SDK1: variants seen among roughly 807,000 people sequenced by gnomAD.
The protein encoded by SDK1 is protein sidekick-1.
In SDK1, 157 loss-of-function variants were observed where a neutral mutation model predicts 245.5. The ratio of observed to expected loss-of-function variants is 0.64; its 90% CI spans 0.56 to 0.73. The LOEUF is 0.73. SDK1 is among the 30% of genes least tolerant of loss of function. The pLI, the probability that SDK1 is intolerant of heterozygous loss-of-function variation, is 0.00. For synonymous variants in SDK1, 1,647 were observed against 1,278.5 expected (o/e 1.29, Z -6.15); for missense variants, 3,583 against 3,002.3 (o/e 1.19, Z -4.52).
chr7:4,240,515 G>A lies in SDK1; in HGVS notation c.6131-1278G>A, dbSNP rs190645497. On this transcript the variant is annotated intron_variant, in intron 42 of 44. Transcript: ENST00000404826. ...CAGGCAAGCCCATCTTTCATTTTCT[G>A]CTCTGTGTTCTTCCGTTAAACACAG... Among the ~76,000 whole-genome samples the A allele has an allele frequency of 9.9e-5, 15 of 152,132 alleles. No homozygotes were observed. In the East Asian group the frequency reaches 2.9e-3, roughly 29 times the overall value.
At chr7:3,782,597 C>T (rs935727112) in intron 4 of SDK1, among the ~76,000 whole-genome samples, 3 of 152,108 alleles carry the variant, frequency 2.0e-5, no homozygotes, top group African/African-American at 7.2e-5. Context: ...CAAAGGAGTA[C>T]CAATACTACC....
At chr7:3,680,071 G>C (rs1173643166) in intron 4 of SDK1, among the ~76,000 whole-genome samples, 2 of 152,108 alleles carry the variant, frequency 1.3e-5, no homozygotes, top group Admixed American at 1.3e-4. Context: ...AACAAGCCGT[G>C]GTGCATCCGC....
intron 5 of SDK1, among the ~76,000 whole-genome samples, chr7:3,914,235 C>G (rs1009523908): frequency 6.6e-6 from 1 of 152,146 alleles, no homozygotes; most frequent in Non-Finnish European, 1.5e-5. Context: ...TGCATTATTA[C>G]CGTACTTGCC....
intron 30 of SDK1, among the ~76,000 whole-genome samples, chr7:4,158,029 C>G (rs768511145): frequency 2.6e-5 from 4 of 152,196 alleles, no homozygotes; most frequent in African/African-American, 7.2e-5. Context: ...GAGGACTTCT[C>G]TGGATCCCTT....
At chr7:4,255,628 G>C (rs1444532212) in intron 44 of SDK1, among the ~76,000 whole-genome samples, 2 of 152,196 alleles carry the variant, frequency 1.3e-5, no homozygotes, top group Non-Finnish European at 2.9e-5. Context: ...TCTCTGCCTA[G>C]AATAGAGCTT....
At position 3,938,645 on chromosome 7, in the gene SDK1, C is replaced by CAAAAAAAAAAAAAAAAAAAAAAAAA. The variant is rs559065786; in HGVS notation, c.848-12263_848-12262insAAAAAAAAAAAAAAAAAAAAAAAAA. ...TGGGCGACAGAGTGAGACTCCGTCT[C>CAAAAAAAAAAAAAAAAAAAAAAAAA]AAAAAAAAAAAAAAAGAGATCCTCA... On this transcript the variant is annotated intron_variant, in intron 5 of 44. Transcript: ENST00000404826. Among the ~76,000 whole-genome samples the CAAAAAAAAAAAAAAAAAAAAAAAAA allele has an allele frequency of 9.5e-4, 86 of 90,546 alleles. 1 individual carries two copies. Among genetic ancestry groups the CAAAAAAAAAAAAAAAAAAAAAAAAA allele is most frequent in the African/African-American group, 3.8e-3 (70 of 18,610 alleles). The allele number at this position is 90,546 out of a possible 152,430, so 59.4% of individuals were successfully genotyped here.
chr7:4,258,643 GT>G (rs1302227988), intron 44 of SDK1, among the ~76,000 whole-genome samples: 1 of 152,198 alleles, frequency 6.6e-6, no homozygotes, highest in Non-Finnish European at 1.5e-5. Context: ...CCCTAAGAAG[GT>G]CACTTGCATT....
At chr7:4,162,303 C>T (rs1055683661) in intron 32 of SDK1, among the ~76,000 whole-genome samples, 1 of 151,934 alleles carries the variant, frequency 6.6e-6, no homozygotes, top group Non-Finnish European at 1.5e-5. Context: ...AAAATATCTA[C>T]CGGATTGTAC....
At chr7:3,418,248 C>T (rs1358051296) in intron 1 of SDK1, among the ~76,000 whole-genome samples, 2 of 151,462 alleles carry the variant, frequency 1.3e-5, no homozygotes, top group South Asian at 2.1e-4. Flanking sequence ...GCCCGGGAGG[C>T]GGAGGTTGCA....
At chr7:3,944,872 T>TG (rs1424695764) in intron 5 of SDK1, among the ~76,000 whole-genome samples, 1 of 152,198 alleles carries the variant, frequency 6.6e-6, no homozygotes, top group East Asian at 1.9e-4. Flanking sequence ...GGAGAGGGCC[T>TG]GAGCCTGAGG....
chr7:3,467,467 A>G (rs890849718), intron 1 of SDK1, among the ~76,000 whole-genome samples: 5 of 152,226 alleles, frequency 3.3e-5, no homozygotes, highest in African/African-American at 1.2e-4. Context: ...AAATATACCA[A>G]TAACCCAGTA....
intron 38 of SDK1, among the ~76,000 whole-genome samples, chr7:4,211,933 C>T (rs1784535377): frequency 6.6e-6 from 1 of 152,192 alleles, no homozygotes; most frequent in African/African-American, 2.4e-5. Flanking sequence ...ATTCCAGTGC[C>T]TTCTGTGTCC....
intron 1 of SDK1, among the ~76,000 whole-genome samples, chr7:3,392,656 T>C (rs1781787138): frequency 6.6e-6 from 1 of 152,194 alleles, no homozygotes; most frequent in Non-Finnish European, 1.5e-5. Flanking sequence ...ATCTCCTTTT[T>C]GTCTTTATGA....
intron 1 of SDK1, among the ~76,000 whole-genome samples, chr7:3,457,831 C>A (rs911760351): frequency 1.3e-5 from 2 of 152,162 alleles, no homozygotes; most frequent in South Asian, 4.1e-4. Context: ...CCATGTCTCT[C>A]TCTCTTTCTG....
At chr7:3,796,164 A>C (rs1204182809) in intron 4 of SDK1, among the ~76,000 whole-genome samples, 2 of 152,224 alleles carry the variant, frequency 1.3e-5, no homozygotes, top group Non-Finnish European at 2.9e-5. Flanking sequence ...GATAGAAAAC[A>C]GTTCTGCAAA....
chr7:4,170,317 C>T (rs1781757665), intron 32 of SDK1, among the ~76,000 whole-genome samples: 1 of 152,016 alleles, frequency 6.6e-6, no homozygotes, highest in Admixed American at 6.5e-5. Flanking sequence ...TGTGGTGGTG[C>T]AGGTCTGTAG....
chr7:4,175,736 TG>T (rs1244002653), intron 33 of SDK1, 38 bp from the exon 34 acceptor site: 1 of 1,576,034 alleles, frequency 6.3e-7, no homozygotes, highest in Admixed American at 1.7e-5. Context: ...GCCGTGTCCC[TG>T]CGTGCTAACC....
intron 4 of SDK1, among the ~76,000 whole-genome samples, chr7:3,673,533 C>A (rs2128663722): frequency 6.6e-6 from 1 of 152,232 alleles, no homozygotes; most frequent in East Asian, 1.9e-4. Flanking sequence ...TACCATAGGC[C>A]CCGCCGGCCT....
intron 40 of SDK1, among the ~76,000 whole-genome samples, chr7:4,222,072 A>G (rs1344581070): frequency 2.0e-5 from 3 of 152,180 alleles, no homozygotes; most frequent in African/African-American, 7.2e-5. Flanking sequence ...AAAATATGTG[A>G]TGTGTCAGGG....
Sources: allele counts gnomAD v4.1 joint callset (sites outside exome capture counted in the v4.1 genomes callset), GRCh38; gene constraint gnomAD v4.1.1; transcripts MANE v1.5; gene names NCBI Gene and HGNC (gene_info 2026-07-23, HGNC 2026-07-21).